Variants in EYA1 observed in about 807,000 individuals in gnomAD.
The protein encoded by EYA1 is protein phosphatase EYA1.
EYA1 carries 16 observed loss-of-function variants against 82.0 expected under a neutral mutation model. The ratio of observed to expected loss-of-function variants is 0.20; its 90% CI spans 0.13 to 0.30. EYA1 has a LOEUF of 0.30. Ranked by LOEUF, EYA1 falls within the 10% of genes least tolerant of loss-of-function variation. EYA1 has a pLI of 1.00. For missense variants in EYA1, 633 were observed against 730.7 expected, an observed-to-expected ratio of 0.87 and a Z score of 1.54; for synonymous variants, 261 against 264.4, an observed-to-expected ratio of 0.99 and a Z score of 0.12.
intron 1 of EYA1, among the ~76,000 whole-genome samples, chr8:71,358,419 A>G (rs939244514): frequency 6.6e-6 from 1 of 152,200 alleles, no homozygotes; most frequent in Non-Finnish European, 1.5e-5. Flanking sequence ...AGTATACTTC[A>G]GATATACTCT....
At chr8:71,395,564 C>T (rs1250891438) in intron 2 of EYA1, among the ~76,000 whole-genome samples, 1 of 151,992 alleles carries the variant, frequency 6.6e-6, no homozygotes, top group South Asian at 2.1e-4. Context: ...TGGTTTTTGT[C>T]TTTGGTTCTG....
chr8:71,370,348 A>T (rs1828007816), intron 2 of EYA1, among the ~76,000 whole-genome samples: 1 of 149,276 alleles, frequency 6.7e-6, no homozygotes, highest in East Asian at 2.0e-4. Context: ...GCCAGTAATC[A>T]GTCACTCAAC....
chr8:71,203,795 C>T (rs1414234748), intron 17 of EYA1, among the ~76,000 whole-genome samples: 1 of 152,054 alleles, frequency 6.6e-6, no homozygotes, highest in Non-Finnish European at 1.5e-5. Context: ...TGGCTGGTAG[C>T]AGAGAAACTA....
chr8:71,522,445 T>C (rs922233135), intron 2 of EYA1, among the ~76,000 whole-genome samples: 1 of 152,212 alleles, frequency 6.6e-6, no homozygotes, highest in African/African-American at 2.4e-5. Flanking sequence ...CTAATACATG[T>C]TCTTTATTTT....
intron 2 of EYA1, among the ~76,000 whole-genome samples, chr8:71,440,517 G>A (rs543340131): frequency 2.6e-5 from 4 of 152,180 alleles, no homozygotes; most frequent in Non-Finnish European, 5.9e-5. Context: ...TAAGACTTGG[G>A]CAGCTATGTC....
chr8:71,536,373 A>G (rs958353369), intron 1 of EYA1, among the ~76,000 whole-genome samples: 1 of 152,206 alleles, frequency 6.6e-6, no homozygotes, highest in Non-Finnish European at 1.5e-5. Flanking sequence ...GCAAGTTTAC[A>G]TTAGGTCACA....
intron 2 of EYA1, among the ~76,000 whole-genome samples, chr8:71,477,599 T>C (rs538977918): frequency 2.6e-5 from 4 of 152,004 alleles, no homozygotes; most frequent in African/African-American, 9.6e-5. Flanking sequence ...GTGAATAAAT[T>C]AGGCACCCTC....
At chr8:71,358,860 A>C (rs1827133816) in intron 1 of EYA1, among the ~76,000 whole-genome samples, 1 of 152,186 alleles carries the variant, frequency 6.6e-6, no homozygotes, top group African/African-American at 2.4e-5. Flanking sequence ...ATTTCCATTC[A>C]AAAGAGAAAA....
chr8:71,202,075 C>A (rs544573814), intron 17 of EYA1, among the ~76,000 whole-genome samples: 1 of 152,190 alleles, frequency 6.6e-6, no homozygotes, highest in African/African-American at 2.4e-5. Context: ...AAGTGGAATG[C>A]CTTTTTTCAG....
At chr8:71,543,304 G>T (rs534612890) in intron 1 of EYA1, among the ~76,000 whole-genome samples, 5 of 152,196 alleles carry the variant, frequency 3.3e-5, no homozygotes, top group South Asian at 2.1e-4. Flanking sequence ...AGGTTGGGGG[G>T]TGATGAACTG....
At chr8:71,254,021 A>G (rs995454576) in intron 11 of EYA1, among the ~76,000 whole-genome samples, 4 of 152,136 alleles carry the variant, frequency 2.6e-5, no homozygotes, top group African/African-American at 9.7e-5. Flanking sequence ...GGCTACAGAT[A>G]TTTGATTCAG....
intron 2 of EYA1, among the ~76,000 whole-genome samples, chr8:71,400,222 G>A (rs1490049831): frequency 6.6e-6 from 1 of 152,182 alleles, no homozygotes; most frequent in Non-Finnish European, 1.5e-5. Context: ...ATACTATTCA[G>A]CACATAGGCG....
chr8:71,425,136 A>C (rs1395893986), intron 2 of EYA1, among the ~76,000 whole-genome samples: 2 of 140,902 alleles, frequency 1.4e-5, no homozygotes, highest in Admixed American at 1.4e-4. Flanking sequence ...AAAATCAATG[A>C]GCCGGGCGTG....
At chr8:71,215,082 T>C (rs1809012297) in intron 16 of EYA1, among the ~76,000 whole-genome samples, 1 of 152,216 alleles carries the variant, frequency 6.6e-6, no homozygotes, top group African/African-American at 2.4e-5. Flanking sequence ...AATCAGATAT[T>C]TTTGTTAATG....
At chr8:71,257,213 T>C (rs1490531908) in intron 11 of EYA1, among the ~76,000 whole-genome samples, 1 of 152,130 alleles carries the variant, frequency 6.6e-6, no homozygotes, top group African/African-American at 2.4e-5. Context: ...AAAATCATCC[T>C]TGGACAGGAC....
At chr8:71,323,898 C>T (rs1822863467) in intron 4 of EYA1, 1 of 152,258 alleles carries the variant, frequency 6.6e-6, no homozygotes, top group Non-Finnish European at 1.5e-5. Flanking sequence ...TCATCTGCAA[C>T]TAAAACCTCT....
intron 1 of EYA1, among the ~76,000 whole-genome samples, chr8:71,537,775 C>T (rs1477863872): frequency 6.6e-6 from 1 of 152,110 alleles, no homozygotes; most frequent in African/African-American, 2.4e-5. Context: ...GTGTTTCTTT[C>T]CCATATTTCC....
intron 2 of EYA1, among the ~76,000 whole-genome samples, chr8:71,453,565 T>G (rs948254141): frequency 2.0e-5 from 3 of 152,178 alleles, no homozygotes; most frequent in South Asian, 2.1e-4. Context: ...GACTAACAGC[T>G]GATCTCTTGG....
chr8:71,478,532 G>A (rs1056797920), intron 2 of EYA1, among the ~76,000 whole-genome samples: 4 of 152,138 alleles, frequency 2.6e-5, no homozygotes, highest in African/African-American at 9.7e-5. Context: ...GGGAGTAAAC[G>A]AAATGAGCTT....
Sources: gnomAD v4.1 joint callset for allele counts (sites outside exome capture counted in the v4.1 genomes callset) on GRCh38, gnomAD v4.1.1 for gene constraint, MANE v1.5 for transcripts, NCBI Gene and HGNC (gene_info 2026-07-23, HGNC 2026-07-21) for gene names.